The following USP42 variants were observed in gnomAD, a reference collection of about 807,000 sequenced individuals.
The protein encoded by USP42 is ubiquitin carboxyl-terminal hydrolase 42.
A neutral mutation model predicts 113.0 loss-of-function variants in USP42; 23 were observed. That is an observed-to-expected ratio of 0.20 (90% CI 0.15 to 0.29). The LOEUF is 0.29. Among genes scored for constraint, USP42 ranks in the 10% least tolerant of loss-of-function variants. The probability of loss-of-function intolerance (pLI) is 1.00; values close to 1 mark genes in which losing one functional copy is unlikely to be tolerated. For missense variants in USP42, 2,174 were observed against 1,779.8 expected, an observed-to-expected ratio of 1.22 and a Z score of -3.99; for synonymous variants, 933 against 699.0, an observed-to-expected ratio of 1.33 and a Z score of -5.28.
chr7:6,137,406 T>G (rs1411045150), intron 4 of USP42, among the ~76,000 whole-genome samples: 2 of 152,254 alleles, frequency 1.3e-5, no homozygotes. Context: ...TCCCCAAGCC[T>G]GGAGTGCAGT....
chr7:6,123,464 C>G (rs1043928713), intron 3 of USP42, among the ~76,000 whole-genome samples: 6 of 152,090 alleles, frequency 3.9e-5, no homozygotes, highest in Admixed American at 3.9e-4. Context: ...GAGATCGAGA[C>G]CATCCTGGCT....
chr7:6,125,200 A>C (rs1039096205), intron 3 of USP42, among the ~76,000 whole-genome samples: 10 of 148,234 alleles, frequency 6.7e-5, no homozygotes, highest in East Asian at 4.0e-4. Context: ...AAAAAAAAAA[A>C]AAAACAGGCA....
the USP42 span, among the ~76,000 whole-genome samples, chr7:6,090,908 AG>A: frequency 2.0e-5 from 3 of 150,044 alleles, no homozygotes; most frequent in African/African-American, 7.5e-5. Flanking sequence ...TTAACTAAAA[AG>A]TATTATGTAT....
chr7:6,119,616 G>A (rs1482161786), intron 3 of USP42, among the ~76,000 whole-genome samples: 8 of 152,316 alleles, frequency 5.3e-5, no homozygotes, highest in African/African-American at 1.9e-4. Context: ...AAATCAATTT[G>A]ATGTGAATTG....
chr7:6,128,051 ATCC>A (rs1378205084), intron 3 of USP42: 1 of 152,104 alleles, frequency 6.6e-6, no homozygotes, highest in Non-Finnish European at 1.5e-5. Flanking sequence ...GTCTCAAGCT[ATCC>A]TCCTGCCTCA....
chr7:6,090,320 A>ATATATATATATTTCTTTATATATATATT, the USP42 span, among the ~76,000 whole-genome samples: 4 of 142,554 alleles, frequency 2.8e-5, no homozygotes, highest in African/African-American at 5.3e-5. Flanking sequence ...AAAAAGAAAT[A>ATATATATATATTTCTTTATATATATATT]TATATATATA....
rs1367268261 is a variant in USP42 at position 6,157,472 on chromosome 7, A to T, written c.3943+417A>T. ...AGTGCAGTGGCGGCGATCTCAGCTC[A>T]CTGCAACCTCTGCCTCCCAGGTTCA... On this transcript the variant is annotated intron_variant, in intron 16 of 17. Transcript: ENST00000306177. This position sits in a 1 kb window ranked among gnomAD's most constrained non-coding sequence, Gnocchi z 4.1. 1 of 791,948 alleles carries T rather than the reference A, an allele frequency of 1.3e-6. No individual in the cohort carries two copies. Among genetic ancestry groups the T allele is most frequent in the African/African-American group, 1.9e-5 (1 of 53,256 alleles). The allele number at this position is 791,948 out of a possible 1,614,324, so 49.1% of individuals were successfully genotyped here.
At chr7:6,152,861 G>A (rs1211969884) in intron 14 of USP42, 32 of 830,156 alleles carry the variant, frequency 3.9e-5, no homozygotes, top group Middle Eastern at 6.2e-4. Flanking sequence ...GTGTTTGGAG[G>A]TGGCCCCTCT....
Position 6,139,832 on chromosome 7 carries a change from C to G in USP42, c.657-296C>G. The stretch of plus-strand genomic sequence containing the variant: ...CTTTCCTCCCACACAGGCCGCAGTG[C>G]CCGGAGGCTGCCATCTTCCTGCTTC... On this transcript the variant is annotated intron_variant, in intron 5 of 17. Transcript: ENST00000306177. The surrounding 1 kb of genome is among the most constrained non-coding windows in gnomAD (Gnocchi z 4.5). 2.1e-6 allele frequency: 1 copy of G among 474,698 alleles called. No homozygotes were observed. The highest frequency in any genetic ancestry group is 3.8e-6 in the Non-Finnish European group (1 of 261,476). 29.4% of individuals were successfully genotyped at this position (474,698 alleles called of 1,614,324 possible).
chr7:6,129,376 C>G lies in USP42; in HGVS notation c.443-6465C>G, dbSNP rs189487118. ...TTTGAGACCAGCCTGGCCAACATGGCGAAACCCCATCTCTACTAAAAATAC... is the reference window on the plus strand; with the variant it reads ...TTTGAGACCAGCCTGGCCAACATGGGGAAACCCCATCTCTACTAAAAATAC... On this transcript the variant is annotated intron_variant, in intron 3 of 17. Coordinates refer to ENST00000306177, the MANE Select transcript of USP42 (RefSeq NM_032172.3). 1.7e-3 allele frequency among the ~76,000 whole-genome samples: 238 copies of G among 141,466 alleles called. 1 individual carries two copies. The highest frequency in any genetic ancestry group is 5.8e-3 in the African/African-American group (219 of 37,850). 92.8% of individuals were successfully genotyped at this position (141,466 alleles called of 152,430 possible). A position where few individuals can be genotyped will look rare whatever the true frequency, so the allele number is the denominator to read the frequency against.
chr7:6,086,202 A>AT, the USP42 span, among the ~76,000 whole-genome samples: 6,000 of 122,634 alleles, frequency 0.049, 653 homozygotes, highest in African/African-American at 0.16. Flanking sequence ...CACCTGGCTA[A>AT]TTTTTTTTTT....
In USP42 at chr7:6,104,980, C is replaced by T. The variant is rs1260452132; in HGVS notation, c.-62C>T. ...CCCCGCCGGGCGGCTGGGCTGTGTG[C>T]GGCGGCGGCGGCGGCGGCCGAGGGG... On this transcript the variant is annotated 5_prime_UTR_variant, in exon 1 of 18. Coordinates refer to ENST00000306177, the MANE Select transcript of USP42 (RefSeq NM_032172.3). 6.6e-6 allele frequency: 1 copy of T among 151,746 alleles called. No homozygotes were observed. Among genetic ancestry groups the T allele is most frequent in the East Asian group, 1.9e-4 (1 of 5,388 alleles). 9.4% of individuals were successfully genotyped at this position (151,746 alleles called of 1,614,324 possible). A position where few individuals can be genotyped will look rare whatever the true frequency, so the allele number is the denominator to read the frequency against.
At chr7:6,106,860 C>CTAA (rs1321480875) in intron 1 of USP42, among the ~76,000 whole-genome samples, 9 of 152,186 alleles carry the variant, frequency 5.9e-5, no homozygotes, top group Admixed American at 4.6e-4. Flanking sequence ...TCCACCATGC[C>CTAA]CCACCTGTAG....
At chr7:6,105,803 A>G (rs1268020308) in intron 1 of USP42, among the ~76,000 whole-genome samples, 1 of 152,192 alleles carries the variant, frequency 6.6e-6, no homozygotes, top group Non-Finnish European at 1.5e-5. Flanking sequence ...GGACGGAACA[A>G]GTTTTCCCAT....
chr7:6,110,272 T>C (rs899312378), intron 1 of USP42, among the ~76,000 whole-genome samples: 1 of 152,190 alleles, frequency 6.6e-6, no homozygotes, highest in Non-Finnish European at 1.5e-5. Flanking sequence ...TGGACCTGGC[T>C]CTCAGTCCCA....
intron 11 of USP42, 102 bp downstream of exon 11, chr7:6,146,350 A>C (rs1781715737): frequency 4.8e-6 from 4 of 824,902 alleles, no homozygotes; most frequent in East Asian, 2.8e-5. Context: ...AAAAAAAAAA[A>C]AACCCAGCAG....
the USP42 span, among the ~76,000 whole-genome samples, chr7:6,096,346 G>A: frequency 6.6e-6 from 1 of 151,208 alleles, no homozygotes. Flanking sequence ...AAGGGAAAGT[G>A]ACAGTAGGGT....
chr7:6,116,534 A>G (rs545471476), intron 3 of USP42: 6 of 305,022 alleles, frequency 2.0e-5, no homozygotes, highest in African/African-American at 1.2e-4. Flanking sequence ...TTCTGGGGCT[A>G]TTAGTTACTA....
intron 3 of USP42, among the ~76,000 whole-genome samples, chr7:6,124,232 C>T (rs1438620227): frequency 2.0e-5 from 3 of 152,042 alleles, no homozygotes; most frequent in South Asian, 2.1e-4. Context: ...ATCTTTTTAT[C>T]TTTAACTTAT....
Sources: gnomAD v4.1 joint callset for allele counts (sites outside exome capture counted in the v4.1 genomes callset) on GRCh38, gnomAD v4.1.1 for gene constraint, Gnocchi (gnomAD v3.1) non-coding constraint, MANE v1.5 for transcripts, NCBI Gene and HGNC (gene_info 2026-07-23, HGNC 2026-07-21) for gene names.